CARD6: variants seen among roughly 807,000 people sequenced by gnomAD.
CARD6 encodes the protein caspase recruitment domain family member 6.
Under a neutral mutation model 23.6 loss-of-function variants are expected in CARD6, and 27 were observed. The ratio of observed to expected loss-of-function variants is 1.14; its 90% CI spans 0.84 to 1.58. The LOEUF (loss-of-function observed/expected upper bound fraction) is 1.58. CARD6 is among the 40% of genes most tolerant of loss of function. CARD6 has a pLI of 0.00. For synonymous variants in CARD6, 397 were observed against 431.8 expected, an observed-to-expected ratio of 0.92 and a Z score of 1.00; for missense variants, 1,214 against 1,209.9, an observed-to-expected ratio of 1.00 and a Z score of -0.05.
intron 2 of CARD6, among the ~76,000 whole-genome samples, chr5:40,844,229 A>C (rs1054522585): frequency 6.6e-6 from 1 of 152,122 alleles, no homozygotes; most frequent in African/African-American, 2.4e-5. Context: ...CTTGAATCTG[A>C]ATATTTCTTT....
At chr5:40,851,937 G>A (rs1042936002) in intron 2 of CARD6, among the ~76,000 whole-genome samples, 2 of 151,484 alleles carry the variant, frequency 1.3e-5, no homozygotes, top group African/African-American at 4.9e-5. Context: ...AGTCAGCCTG[G>A]GCAACATAGA....
intron 1 of CARD6, 59 bp downstream of exon 1, chr5:40,841,724 GAAAAC>G: frequency 7.3e-7 from 1 of 1,365,750 alleles, no homozygotes; most frequent in Non-Finnish European, 9.8e-7. Flanking sequence ...TTCTGAAAAA[GAAAAC>G]AAAATGAAAG....
rs144490676 is a variant in CARD6, at chr5:40,853,274, G to A, written c.1942G>A (p.Ala648Thr). The A allele has an allele frequency of 5.5e-4, 895 of 1,614,138 alleles. 1 individual carries two copies. The African/African-American group carries it at 0.011, about 19-fold the overall frequency. The change falls in exon 3 of 3, where the codon GCC becomes ACC. Residue 648 changes from alanine (A) to threonine (T), a missense_variant. Coordinates refer to ENST00000254691, the MANE Select transcript of CARD6 (RefSeq NM_032587.4). ...LRCVSVEDMA[A>T]LARELGIQVD... Reference sequence around the variant, plus strand: ...ATGTGTGTCTGTGGAGGATATGGCCGCCCTGGCCAGGGAGCTGGGGATTCA... The same window carrying A: ...ATGTGTGTCTGTGGAGGATATGGCCACCCTGGCCAGGGAGCTGGGGATTCA...
intron 2 of CARD6, among the ~76,000 whole-genome samples, chr5:40,848,035 G>A (rs1443255802): frequency 1.3e-5 from 2 of 151,558 alleles, no homozygotes; most frequent in East Asian, 3.9e-4. Flanking sequence ...TGTTCTTCAG[G>A]TTAGATATTT....
intron 2 of CARD6, among the ~76,000 whole-genome samples, chr5:40,850,300 G>C (rs1746040411): frequency 6.6e-6 from 1 of 150,680 alleles, no homozygotes; most frequent in African/African-American, 2.4e-5. Flanking sequence ...TATGGTCCCA[G>C]CTACTTGGGA....
intron 2 of CARD6, among the ~76,000 whole-genome samples, chr5:40,846,183 T>C (rs987519464): frequency 7.2e-5 from 11 of 151,912 alleles, no homozygotes; most frequent in African/African-American, 2.7e-4. Context: ...TGGCTAATTT[T>C]TGTATTTTTA....
rs778096080 is a variant in CARD6, at chr5:40,843,683, A to C, written c.815A>C (p.Glu272Ala). 1 of 1,548,442 alleles carries C rather than the reference A, an allele frequency of 6.5e-7. No individual in the cohort carries two copies. The highest frequency in any genetic ancestry group is 1.4e-5 in the African/African-American group (1 of 72,146). ...GGATCAGAAACCAGCCTTTCATTGG[A>C]GGAGGAACAGGAGAAAAGTATAGAA... ...YEGSETSLSL[E>A]EEQEKSIEER... is the part of the protein sequence containing the mutation. The change falls in exon 2 of 3, where the codon GAG (glutamate) becomes GCG (alanine). Residue 272 changes from glutamate (E) to alanine (A), a missense_variant. Coordinates refer to ENST00000254691, the MANE Select transcript of CARD6 (RefSeq NM_032587.4).
rs779593845 is a variant in CARD6 at position 40,841,661 on chromosome 5, G to A, written c.279G>A (p.Arg93=). The A allele has an allele frequency of 2.5e-6, 4 of 1,611,920 alleles. No individual in the cohort carries two copies. In the African/African-American group the frequency reaches 4.0e-5, roughly 16 times the overall value. The change falls in exon 1 of 3, where the codon AGG becomes AGA. Residue 93 remains arginine, a synonymous_variant. Coordinates refer to ENST00000254691, the MANE Select transcript of CARD6 (RefSeq NM_032587.4). Reference sequence around the variant, plus strand: ...AGTCAGCTGCCATTTGCGGCTTAAGGCATGGTAAGTTGACTTTGTATACTT... The same window carrying A: ...AGTCAGCTGCCATTTGCGGCTTAAGACATGGTAAGTTGACTTTGTATACTT... The part of the protein sequence containing the change: ...FPQSAAICGL[R]HEVLKHENTV...
chr5:40,842,764 G>T (rs908679682), intron 1 of CARD6, among the ~76,000 whole-genome samples: 6 of 152,132 alleles, frequency 3.9e-5, no homozygotes, highest in African/African-American at 7.2e-5. Context: ...GTGGCTGGGC[G>T]CTGTGGCTCA....
At chr5:40,846,682 A>G (rs779854208) in intron 2 of CARD6, among the ~76,000 whole-genome samples, 2 of 152,088 alleles carry the variant, frequency 1.3e-5, no homozygotes, top group Non-Finnish European at 1.5e-5. Context: ...GTCTCTTCAC[A>G]TCATCTATCC....
In CARD6 at chr5:40,848,572, T is replaced by C. The variant is rs140353469; in HGVS notation, c.842-3602T>C. Reference sequence around the variant, plus strand: ...AGGTCATTTTGGATTCAGTGTCCATTGAGTATGAGTTACATTTCTTGTTTC... The same window carrying C: ...AGGTCATTTTGGATTCAGTGTCCATCGAGTATGAGTTACATTTCTTGTTTC... On this transcript the variant is annotated intron_variant, in intron 2 of 2. Transcript: ENST00000254691. Among the ~76,000 whole-genome samples the C allele has an allele frequency of 1.9e-3, 283 of 152,302 alleles. 5 individuals are homozygous for C. Among genetic ancestry groups the C allele is most frequent in the African/African-American group, 6.3e-3 (260 of 41,558 alleles).
At chr5:40,845,717 C>T (rs1048901275) in intron 2 of CARD6, among the ~76,000 whole-genome samples, 3 of 151,888 alleles carry the variant, frequency 2.0e-5, no homozygotes, top group Non-Finnish European at 4.4e-5. Context: ...GCATCTCTTA[C>T]ATATTGTTTG....
At position 40,853,823 on chromosome 5, in the gene CARD6, G is replaced by A; in HGVS notation, c.2491G>A (p.Glu831Lys). Reference protein sequence around the residue: ...PICQHVQACPERPQMMGTLER... With the variant: ...PICQHVQACPKRPQMMGTLER... ...TTGTCAGCATGTACAGGCCTGCCCT[G>A]AGAGACCACAAATGATGGGAACTCT... Residue 831 changes from glutamate (E) to lysine (K), a missense_variant, in exon 3 of 3, where the codon GAG becomes AAG. Transcript: ENST00000254691. The A allele has an allele frequency of 6.2e-7, 1 of 1,614,196 alleles. No homozygotes were observed. Among genetic ancestry groups the A allele is most frequent in the Non-Finnish European group, 8.5e-7 (1 of 1,180,038 alleles).
rs1745902700 is a variant in CARD6 at position 40,843,149 on chromosome 5, C to A, written c.284-3C>A. The stretch of plus-strand genomic sequence containing the variant: ...TTGGGAAAAACAATTCTTTTCTTTG[C>A]AGAAGTTTTAAAACATGAGAATACA... On this transcript the variant is annotated splice_polypyrimidine_tract_variant and splice_region_variant and intron_variant, in intron 1 of 2. Coordinates refer to ENST00000254691, the MANE Select transcript of CARD6 (RefSeq NM_032587.4). 1.3e-6 allele frequency: 2 copies of A among 1,560,628 alleles called. No individual in the cohort carries two copies. Among genetic ancestry groups the A allele is most frequent in the Non-Finnish European group, 1.7e-6 (2 of 1,158,712 alleles).
chr5:40,847,897 T>C (rs1036100705), intron 2 of CARD6, among the ~76,000 whole-genome samples: 2 of 147,426 alleles, frequency 1.4e-5, no homozygotes, highest in Non-Finnish European at 1.5e-5. Flanking sequence ...TTTACCGAGA[T>C]TTTTTTCTTT....
At chr5:40,842,474 A>G (rs1745878781) in intron 1 of CARD6, among the ~76,000 whole-genome samples, 1 of 152,188 alleles carries the variant, frequency 6.6e-6, no homozygotes, top group African/African-American at 2.4e-5. Flanking sequence ...ACTGATTAGA[A>G]ATTATTTGTG....
rs1313532821 is a variant in CARD6, at chr5:40,852,187, G to A, written c.855G>A (p.Val285=). 1 of 1,605,372 alleles carries A rather than the reference G, an allele frequency of 6.2e-7. No homozygotes were observed. ...QEKSIEERKK[V]FKDVLLCLNM... ...TCTCTCCTACAGAAAGAAAAAAGGT[G>A]TTTAAAGATGTCCTGTTATGTTTGA... The change falls in exon 3 of 3, where the codon GTG becomes GTA. Residue 285 remains valine, a synonymous_variant. Coordinates refer to ENST00000254691, the MANE Select transcript of CARD6 (RefSeq NM_032587.4).
chr5:40,851,412 A>G (rs936051971), intron 2 of CARD6, among the ~76,000 whole-genome samples: 2 of 152,304 alleles, frequency 1.3e-5, no homozygotes, highest in East Asian at 3.9e-4. Flanking sequence ...TAGAAAAAGG[A>G]TGGGAAGCAA....
At chr5:40,842,462 T>C (rs1051169756) in intron 1 of CARD6, among the ~76,000 whole-genome samples, 4 of 152,260 alleles carry the variant, frequency 2.6e-5, no homozygotes, top group Admixed American at 2.6e-4. Flanking sequence ...AGCCATTTGC[T>C]TACTGATTAG....
Sources: allele counts gnomAD v4.1 joint callset (sites outside exome capture counted in the v4.1 genomes callset), GRCh38; gene constraint gnomAD v4.1.1; transcripts MANE v1.5; gene names NCBI Gene and HGNC (gene_info 2026-07-23, HGNC 2026-07-21).